The following SNRPN variants were observed in gnomAD, a reference collection of about 807,000 sequenced individuals.
The protein encoded by SNRPN is small nuclear ribonucleoprotein-associated protein N.
SNRPN carries 7 observed loss-of-function variants against 25.2 expected under a neutral mutation model. The ratio of observed to expected loss-of-function variants is 0.28; its 90% confidence interval spans 0.16 to 0.52. The LOEUF is 0.52. SNRPN is among the 20% of genes least tolerant of loss of function. The pLI is 0.96. For missense variants in SNRPN, 196 were observed against 322.5 expected (o/e 0.61, Z 3.00); for synonymous variants, 124 against 110.6 (o/e 1.12, Z -0.76).
upstream of SNRPN, among the ~76,000 whole-genome samples, chr15:24,951,484 T>C (rs2062268746): frequency 6.6e-6 from 1 of 152,108 alleles, no homozygotes; most frequent in South Asian, 2.1e-4. Flanking sequence ...AAAAAAATGT[T>C]TTTGTCCTTT....
At chr15:24,861,160 A>G (rs2053949198) in intron 1 of SNRPN, among the ~76,000 whole-genome samples, 3 of 152,206 alleles carry the variant, frequency 2.0e-5, no homozygotes, top group Admixed American at 2.0e-4. Flanking sequence ...ACAGTGATGC[A>G]TTGCTTAATC....
At chr15:24,863,666 A>T (rs2147828693) in intron 1 of SNRPN, among the ~76,000 whole-genome samples, 1 of 150,698 alleles carries the variant, frequency 6.6e-6, no homozygotes, top group Admixed American at 6.6e-5. Flanking sequence ...AACTAAATGA[A>T]TTGCCCTGCT....
intron 5 of SNRPN, 66 bp from the exon 6 acceptor site, chr15:24,976,239 A>C (rs983377647): frequency 8.3e-7 from 1 of 1,208,776 alleles, no homozygotes; most frequent in African/African-American, 1.5e-5. Context: ...TTGAGGTTGT[A>C]TAAATATTTT....
chr15:24,950,848 C>T (rs1049040801), upstream of SNRPN, among the ~76,000 whole-genome samples: 1 of 150,990 alleles, frequency 6.6e-6, no homozygotes, highest in Non-Finnish European at 1.5e-5. Flanking sequence ...GTGCCCGGCC[C>T]CTATGTTTTC....
At chr15:24,843,570 A>G (rs1163345817) in intron 2 of SNRPN, among the ~76,000 whole-genome samples, 10 of 151,852 alleles carry the variant, frequency 6.6e-5, no homozygotes, top group Admixed American at 6.6e-5. Flanking sequence ...ATCACCTGAG[A>G]TCAGGAGTTC....
At chr15:24,841,734 CCTT>C (rs769458814) in intron 2 of SNRPN, among the ~76,000 whole-genome samples, 1 of 152,198 alleles carries the variant, frequency 6.6e-6, no homozygotes, top group Non-Finnish European at 1.5e-5. Context: ...TGGTCTTCCT[CCTT>C]ATCCTTTCGA....
intron 1 of SNRPN, among the ~76,000 whole-genome samples, chr15:24,874,514 G>C (rs560552490): frequency 4.6e-5 from 7 of 152,170 alleles, no homozygotes; most frequent in Admixed American, 4.6e-4. Flanking sequence ...TGAAAGAATA[G>C]TGTAATCAGC....
chr15:24,830,625 T>C (rs1300513150), intron 2 of SNRPN, among the ~76,000 whole-genome samples: 3 of 152,114 alleles, frequency 2.0e-5, no homozygotes, highest in Admixed American at 2.0e-4. Context: ...TGATGAGGTG[T>C]GTTTTCCTTT....
chr15:24,875,340 C>T (rs2055748591), intron 1 of SNRPN, among the ~76,000 whole-genome samples: 1 of 152,172 alleles, frequency 6.6e-6, no homozygotes, highest in South Asian at 2.1e-4. Context: ...TTTACATCAA[C>T]TATGTTAGAA....
intron 1 of SNRPN, among the ~76,000 whole-genome samples, chr15:24,865,046 CTTTT>C (rs35703226): frequency 4.2e-4 from 56 of 132,994 alleles, no homozygotes; most frequent in East Asian, 1.1e-3. Flanking sequence ...GGAGACTGAG[CTTTT>C]TTTTTTTTTT....
chr15:24,927,921 T>C (rs1566922081), intron 3 of SNRPN, among the ~76,000 whole-genome samples: 2 of 152,188 alleles, frequency 1.3e-5, no homozygotes, highest in Non-Finnish European at 2.9e-5. Flanking sequence ...GCTGTTTTGG[T>C]TGGCACAACA....
At chr15:24,952,150 T>A (rs1486577222), upstream of SNRPN, among the ~76,000 whole-genome samples, 1 of 152,156 alleles carries the variant, frequency 6.6e-6, no homozygotes, top group Non-Finnish European at 1.5e-5. Context: ...GGTATATATG[T>A]GTACCTGTAT....
At chr15:24,968,106 C>G (rs895054151) in intron 3 of SNRPN, 24 bp downstream of exon 3, 47 of 1,318,270 alleles carry the variant, frequency 3.6e-5, no homozygotes, top group Admixed American at 5.1e-5. Flanking sequence ...CAGCAATGAT[C>G]AAGAATAAAG....
At chr15:24,916,980 T>C (rs1356506698) in intron 2 of SNRPN, among the ~76,000 whole-genome samples, 1 of 152,170 alleles carries the variant, frequency 6.6e-6, no homozygotes, top group African/African-American at 2.4e-5. Flanking sequence ...CAGCTTTTAT[T>C]CCTTATTTGT....
intron 2 of SNRPN, among the ~76,000 whole-genome samples, chr15:24,918,565 T>TATATATGTGTGTATATATAAC (rs1274039331): frequency 3.5e-5 from 3 of 84,614 alleles, no homozygotes; most frequent in Non-Finnish European, 6.9e-5. Flanking sequence ...TATAACATAA[T>TATATATGTGTGTATATATAAC]ATATATGTAT....
chr15:24,850,765 T>A (rs893705035), intron 2 of SNRPN: 2 of 152,238 alleles, frequency 1.3e-5, no homozygotes, highest in Admixed American at 6.5e-5. Flanking sequence ...ATAGGGAGGC[T>A]GGAGAAGAGG....
rs931289206 is a variant in SNRPN, at chr15:24,968,055, G to A, written c.-171G>A. The A allele has an allele frequency of 3.7e-6, 6 of 1,609,002 alleles. No individual in the cohort carries two copies. The highest frequency in any genetic ancestry group is 3.3e-4 in the Middle Eastern group (2 of 6,052). Reference sequence around the variant, plus strand: ...GTGGTTAAAGCCATATTGGAGTAGCGAGGAATCTGATTCCAAGCAAAAACC... The same window carrying A: ...GTGGTTAAAGCCATATTGGAGTAGCAAGGAATCTGATTCCAAGCAAAAACC... On this transcript the variant is annotated 5_prime_UTR_variant, in exon 3 of 10. Transcript: ENST00000390687.
intron 2 of SNRPN, among the ~76,000 whole-genome samples, chr15:24,888,989 C>T (rs1466134687): frequency 6.6e-6 from 1 of 152,086 alleles, no homozygotes; most frequent in African/African-American, 2.4e-5. Context: ...ACAATCTTGG[C>T]TCACTGCAAC....
chr15:24,961,662 T>C (rs940175950), intron 1 of SNRPN, among the ~76,000 whole-genome samples: 1 of 152,200 alleles, frequency 6.6e-6, no homozygotes. Flanking sequence ...AAAGTAGATA[T>C]TTTATAATTT....
Sources: allele counts gnomAD v4.1 joint callset (sites outside exome capture counted in the v4.1 genomes callset), GRCh38; gene constraint gnomAD v4.1.1; transcripts MANE v1.5; gene names NCBI Gene and HGNC (gene_info 2026-07-23, HGNC 2026-07-21).